Variants in HIRA observed in about 807,000 individuals in gnomAD.
HIRA encodes the protein protein HIRA.
HIRA carries 13 observed loss-of-function variants against 126.6 expected under a neutral mutation model. That is an observed-to-expected ratio of 0.10 (90% CI 0.07 to 0.16). The LOEUF (loss-of-function observed/expected upper bound fraction) is 0.16, where lower values mean the gene tolerates loss of function less well. Ranked by LOEUF, HIRA falls within the 10% of genes least tolerant of loss-of-function variation. HIRA has a pLI of 1.00. For missense variants in HIRA, 834 were observed against 1,314.4 expected, an observed-to-expected ratio of 0.63 and a Z score of 5.65; for synonymous variants, 511 against 520.0, an observed-to-expected ratio of 0.98 and a Z score of 0.24.
At chr22:19,414,962 T>TA (rs2089383857) in intron 1 of HIRA, among the ~76,000 whole-genome samples, 1 of 152,076 alleles carries the variant, frequency 6.6e-6, no homozygotes, top group African/African-American at 2.4e-5. Flanking sequence ...TTTATTTATT[T>TA]TGAGACGAAA....
intron 5 of HIRA, chr22:19,399,203 A>G: frequency 4.2e-6 from 4 of 963,090 alleles, no homozygotes; most frequent in South Asian, 9.6e-5. Flanking sequence ...CTAGGTATAC[A>G]GAAGAATGAT....
At chr22:19,404,855 T>C (rs2089295920) in intron 5 of HIRA, among the ~76,000 whole-genome samples, 1 of 152,148 alleles carries the variant, frequency 6.6e-6, no homozygotes, top group Non-Finnish European at 1.5e-5. Context: ...CTGTGCCCTA[T>C]CCTAAGTATT....
chr22:19,339,513 T>C (rs919762237), intron 24 of HIRA, among the ~76,000 whole-genome samples: 11 of 152,062 alleles, frequency 7.2e-5, no homozygotes, highest in African/African-American at 2.4e-4. Context: ...GACGCATGCC[T>C]GTAGTCCCAG....
intron 13 of HIRA, 95 bp downstream of exon 13, chr22:19,383,525 G>T: frequency 1.0e-6 from 1 of 984,656 alleles, no homozygotes; most frequent in South Asian, 1.4e-5. Flanking sequence ...GGTTGTGAAG[G>T]ACCCGTGAAG....
intron 24 of HIRA, among the ~76,000 whole-genome samples, chr22:19,345,718 G>T (rs557011462): frequency 6.6e-6 from 1 of 152,334 alleles, no homozygotes; most frequent in Non-Finnish European, 1.5e-5. Flanking sequence ...TGGCCCAGAG[G>T]TTGGGGACCC....
intron 15 of HIRA, among the ~76,000 whole-genome samples, chr22:19,364,069 G>T (rs2088890559): frequency 6.6e-6 from 1 of 152,080 alleles, no homozygotes; most frequent in Admixed American, 6.6e-5. Context: ...GGGATGCTAT[G>T]GGTATGTTGG....
rs1556004363 is a variant in HIRA at position 19,331,077 on chromosome 22, C to CG, written c.*362dup. 1 of 1,138,562 alleles carries CG rather than the reference C, an allele frequency of 8.8e-7. No individual in the cohort carries two copies. Among genetic ancestry groups the CG allele is most frequent in the Non-Finnish European group, 1.1e-6 (1 of 887,944 alleles). The allele number at this position is 1,138,562 out of a possible 1,614,324, so 70.5% of individuals were successfully genotyped here. A position where few individuals can be genotyped will look rare whatever the true frequency, so the allele number is the denominator to read the frequency against. ...GATTCTCTCTCACAAATGGCTCAAT[C>CG]GTCACTGCTGAAGCAGCATGGTGCC... On this transcript the variant is annotated 3_prime_UTR_variant, in exon 25 of 25. Coordinates refer to ENST00000263208, the MANE Select transcript of HIRA (RefSeq NM_003325.4).
chr22:19,407,147 T>C, intron 4 of HIRA, 37 bp downstream of exon 4: 1 of 1,546,814 alleles, frequency 6.5e-7, no homozygotes, highest in Non-Finnish European at 8.9e-7. Context: ...AAGCAGCTTC[T>C]AAAAATAAAA....
In HIRA at chr22:19,385,586, C is replaced by G; in HGVS notation, c.1264G>C (p.Glu422Gln). The G allele has an allele frequency of 6.2e-7, 1 of 1,614,200 alleles. No individual in the cohort carries two copies. Among genetic ancestry groups the G allele is most frequent in the Admixed American group, 1.7e-5 (1 of 60,034 alleles). The change falls in exon 12 of 25, where the codon GAG (glutamate) becomes CAG (glutamine). Residue 422 changes from glutamate (E) to glutamine (Q), a missense_variant. Around this residue, in one of 5 missense-constraint regions of HIRA, gnomAD observed 153 missense variants for 270.6 expected, o/e 0.57. Coordinates refer to ENST00000263208, the MANE Select transcript of HIRA (RefSeq NM_003325.4). ...QLDQKSAATR[E>Q]MGSATSVAGV... ...GCGACTGAGGTGGCTGAGCCCATCT[C>G]CCTGGTCGCAGCACTCTTCTGGTCC...
intron 1 of HIRA, among the ~76,000 whole-genome samples, chr22:19,411,383 G>A (rs2089350793): frequency 6.6e-6 from 1 of 152,232 alleles, no homozygotes; most frequent in Non-Finnish European, 1.5e-5. Context: ...GCCCCAAAGA[G>A]CCCAGTATGG....
chr22:19,369,636 G>A (rs992738787), intron 15 of HIRA, among the ~76,000 whole-genome samples: 1 of 152,046 alleles, frequency 6.6e-6, no homozygotes, highest in Admixed American at 6.5e-5. Flanking sequence ...GTGCCTCAAA[G>A]AAAATCTCCA....
chr22:19,336,998 A>G (rs1556006077), intron 24 of HIRA, among the ~76,000 whole-genome samples: 1 of 152,248 alleles, frequency 6.6e-6, no homozygotes, highest in African/African-American at 2.4e-5. Context: ...AATACCTCCA[A>G]AAGACCACAC....
chr22:19,427,825 A>G lies in HIRA; in HGVS notation c.37+3615T>C, dbSNP rs188507469. The stretch of plus-strand genomic sequence containing the variant: ...GCCATGAATCTCAACGAGATTTTCT[A>G]AACATACAAACTCCATATTTCTACA... On this transcript the variant is annotated intron_variant, in intron 1 of 24. Coordinates refer to ENST00000263208, the MANE Select transcript of HIRA (RefSeq NM_003325.4). Among the ~76,000 whole-genome samples the G allele has an allele frequency of 1.1e-4, 17 of 152,362 alleles. No individual in the cohort carries two copies. The East Asian group carries it at 3.1e-3, about 28-fold the overall frequency.
At chr22:19,386,916 G>T (rs1218812812) in intron 11 of HIRA, among the ~76,000 whole-genome samples, 1 of 152,224 alleles carries the variant, frequency 6.6e-6, no homozygotes, top group Non-Finnish European at 1.5e-5. Context: ...ACATTTTAGT[G>T]GGGAGGTCAC....
At chr22:19,372,364 G>GT (rs1287762876) in intron 15 of HIRA, among the ~76,000 whole-genome samples, 2 of 152,202 alleles carry the variant, frequency 1.3e-5, no homozygotes, top group Non-Finnish European at 2.9e-5. Flanking sequence ...TTATGTACCT[G>GT]TGCTTTGTAT....
intron 1 of HIRA, among the ~76,000 whole-genome samples, chr22:19,429,860 T>G (rs141367277): frequency 6.6e-6 from 1 of 152,230 alleles, no homozygotes; most frequent in Non-Finnish European, 1.5e-5. Flanking sequence ...CTATCAGACC[T>G]TCACACAGTA....
intron 1 of HIRA, among the ~76,000 whole-genome samples, chr22:19,422,867 T>G (rs887322915): frequency 2.0e-5 from 3 of 152,220 alleles, no homozygotes; most frequent in Non-Finnish European, 4.4e-5. Flanking sequence ...TTTGGCAGGG[T>G]CAGGTCTCCT....
chr22:19,375,799 TGAA>T lies in HIRA; in HGVS notation c.1614-10_1614-8del, dbSNP rs754964202. ...AGTAGAGGTAGCATTCATACTGGGG[TGAA>T]GAAGAGGGGAGGCATGTCAAGCGCA... On this transcript the variant is annotated splice_polypyrimidine_tract_variant and splice_region_variant and intron_variant, in intron 14 of 24. Transcript: ENST00000263208. The T allele has an allele frequency of 6.2e-7, 1 of 1,613,660 alleles. No individual in the cohort carries two copies. Among genetic ancestry groups the T allele is most frequent in the South Asian group, 1.1e-5 (1 of 91,060 alleles).
At chr22:19,379,869 C>T (rs867546578) in intron 13 of HIRA, among the ~76,000 whole-genome samples, 30 of 151,800 alleles carry the variant, frequency 2.0e-4, no homozygotes, top group Admixed American at 6.6e-4. Flanking sequence ...AGTGCAGTGG[C>T]GCAATCTCGG....
Sources: gnomAD v4.1 joint callset for allele counts (sites outside exome capture counted in the v4.1 genomes callset) on GRCh38, gnomAD v4.1.1 for gene constraint, gnomAD v4.1.1 regional missense constraint, MANE v1.5 for transcripts, NCBI Gene and HGNC (gene_info 2026-07-23, HGNC 2026-07-21) for gene names.